AKAP6: variants seen among roughly 807,000 people sequenced by gnomAD.
AKAP6 encodes the protein A-kinase anchor protein 6.
AKAP6 carries 58 observed loss-of-function variants against 188.5 expected under a neutral mutation model. The ratio of observed to expected loss-of-function variants is 0.31; its 90% CI spans 0.25 to 0.38. AKAP6 has a LOEUF of 0.38. Among genes scored for constraint, AKAP6 ranks in the 10% least tolerant of loss-of-function variants. The pLI, the probability that AKAP6 is intolerant of heterozygous loss-of-function variation, is 1.00. For missense variants in AKAP6, 2,710 were observed against 2,740.0 expected (o/e 0.99, Z 0.24); for synonymous variants, 989 against 998.6 (o/e 0.99, Z 0.18).
chr14:32,634,807 A>G (rs548028890), intron 7 of AKAP6, among the ~76,000 whole-genome samples: 1 of 152,186 alleles, frequency 6.6e-6, no homozygotes, highest in East Asian at 1.9e-4. Context: ...AGAATCCTGT[A>G]GTTATAACAA....
chr14:32,334,218 C>T (rs947573199), intron 1 of AKAP6, among the ~76,000 whole-genome samples: 25 of 152,174 alleles, frequency 1.6e-4, no homozygotes, highest in African/African-American at 5.8e-4. Context: ...TATGGTTATC[C>T]GTGGTCTGAA....
intron 7 of AKAP6, among the ~76,000 whole-genome samples, chr14:32,607,691 C>T (rs1886179142): frequency 1.3e-5 from 2 of 152,124 alleles, no homozygotes; most frequent in Non-Finnish European, 2.9e-5. Context: ...TTCAGATCAT[C>T]TTAATTAGGA....
At chr14:32,450,781 TAGA>T (rs1445340891) in intron 2 of AKAP6, among the ~76,000 whole-genome samples, 2 of 152,138 alleles carry the variant, frequency 1.3e-5, no homozygotes, top group African/African-American at 2.4e-5. Context: ...TTCTAAAAAG[TAGA>T]AGGAGGGAGG....
chr14:32,757,555 G>A (rs1283323205), intron 11 of AKAP6, among the ~76,000 whole-genome samples: 1 of 152,224 alleles, frequency 6.6e-6, no homozygotes, highest in Non-Finnish European at 1.5e-5. Context: ...GAGAGGTTCT[G>A]GTAGTTAGAA....
intron 11 of AKAP6, among the ~76,000 whole-genome samples, chr14:32,754,484 ATTATT>A (rs1393940944): frequency 1.3e-5 from 2 of 152,136 alleles, no homozygotes; most frequent in African/African-American, 4.8e-5. Flanking sequence ...TTTAGCTATA[ATTATT>A]TTATTACTTT....
chr14:32,740,684 G>A (rs951316578), intron 11 of AKAP6, among the ~76,000 whole-genome samples: 5 of 151,930 alleles, frequency 3.3e-5, no homozygotes, highest in Non-Finnish European at 5.9e-5. Flanking sequence ...TTCACTGTAG[G>A]TGTGTGAATT....
At chr14:32,491,921 A>C (rs1880037615) in intron 2 of AKAP6, among the ~76,000 whole-genome samples, 1 of 152,126 alleles carries the variant, frequency 6.6e-6, no homozygotes. Context: ...GACGTTCTCC[A>C]CCATTAAAAG....
At chr14:32,360,505 T>A (rs1395710081) in intron 1 of AKAP6, among the ~76,000 whole-genome samples, 3 of 152,224 alleles carry the variant, frequency 2.0e-5, no homozygotes, top group Admixed American at 6.5e-5. Flanking sequence ...TCACCTGTTA[T>A]ATTGGTGATT....
At chr14:32,354,015 T>G (rs1284995042) in intron 1 of AKAP6, among the ~76,000 whole-genome samples, 1 of 152,060 alleles carries the variant, frequency 6.6e-6, no homozygotes, top group Non-Finnish European at 1.5e-5. Flanking sequence ...ATCAATATCG[T>G]GAAAATGGCC....
chr14:32,804,049 C>A (rs2034025704), intron 12 of AKAP6, among the ~76,000 whole-genome samples: 1 of 152,180 alleles, frequency 6.6e-6, no homozygotes, highest in African/African-American at 2.4e-5. Context: ...CACCTTAGCC[C>A]AACCTACCAG....
intron 1 of AKAP6, among the ~76,000 whole-genome samples, chr14:32,353,837 A>G (rs1305916095): frequency 1.3e-5 from 2 of 152,272 alleles, no homozygotes; most frequent in South Asian, 2.1e-4. Flanking sequence ...GAGCCAAATC[A>G]TGAGTGAATT....
chr14:32,330,642 T>C (rs1886502007), intron 1 of AKAP6, among the ~76,000 whole-genome samples: 1 of 151,552 alleles, frequency 6.6e-6, no homozygotes, highest in Non-Finnish European at 1.5e-5. Context: ...CTTCTTTTAG[T>C]CTGTTTATTG....
chr14:32,341,872 C>G (rs947831097), intron 1 of AKAP6, among the ~76,000 whole-genome samples: 1 of 151,948 alleles, frequency 6.6e-6, no homozygotes, highest in Non-Finnish European at 1.5e-5. Flanking sequence ...ATTAGATGGG[C>G]GTAGTGGTGT....
intron 1 of AKAP6, among the ~76,000 whole-genome samples, chr14:32,372,983 G>A (rs11156740): frequency 0.09 from 13,749 of 152,122 alleles, 1,035 homozygotes; most frequent in African/African-American, 0.2. Context: ...TTTAGGAAAA[G>A]ATGATGTCAG....
intron 1 of AKAP6, among the ~76,000 whole-genome samples, chr14:32,372,827 T>TGA (rs201619945): frequency 6.6e-6 from 1 of 151,218 alleles, no homozygotes; most frequent in South Asian, 2.1e-4. Flanking sequence ...CTTGTGTGTC[T>TGA]GAGAGAGAGA....
At chr14:32,574,209 T>G (rs1884623092) in intron 4 of AKAP6, among the ~76,000 whole-genome samples, 1 of 152,190 alleles carries the variant, frequency 6.6e-6, no homozygotes. Flanking sequence ...TGAAACTTTT[T>G]AGTATTGGCA....
In AKAP6 at chr14:32,830,031, C is replaced by A; in HGVS notation, c.*226C>A. On this transcript the variant is annotated 3_prime_UTR_variant, in exon 14 of 14. Transcript: ENST00000280979. ...TGTGCGCTGGTTCTCTTTAGGTGAT[C>A]GTCTTTGAAGTTCAGCAAAGCTGCT... 2.9e-6 allele frequency: 2 copies of A among 694,980 alleles called. No homozygotes were observed. Among genetic ancestry groups the A allele is most frequent in the South Asian group, 3.0e-5 (2 of 66,674 alleles). The allele number at this position is 694,980 out of a possible 1,614,324, so 43.1% of individuals were successfully genotyped here. A position where few individuals can be genotyped will look rare whatever the true frequency, so the allele number is the denominator to read the frequency against.
At chr14:32,387,988 G>C (rs940595866) in intron 1 of AKAP6, among the ~76,000 whole-genome samples, 1 of 151,510 alleles carries the variant, frequency 6.6e-6, no homozygotes, top group Non-Finnish European at 1.5e-5. Flanking sequence ...GGATTTTTTT[G>C]TTGGTAATTT....
intron 2 of AKAP6, among the ~76,000 whole-genome samples, chr14:32,439,608 A>G (rs17409829): frequency 0.62 from 94,624 of 151,606 alleles, 31,871 homozygotes; most frequent in African/African-American, 0.89. Flanking sequence ...TAGTAAGGCT[A>G]CCTCAGATGG....
Sources: gnomAD v4.1 joint callset for allele counts (sites outside exome capture counted in the v4.1 genomes callset) on GRCh38, gnomAD v4.1.1 for gene constraint, MANE v1.5 for transcripts, NCBI Gene and HGNC (gene_info 2026-07-23, HGNC 2026-07-21) for gene names.